The following SYNJ2 variants were observed in gnomAD, a reference collection of about 807,000 sequenced individuals.
SYNJ2 encodes synaptojanin 2.
Under a neutral mutation model 141.3 loss-of-function variants are expected in SYNJ2, and 116 were observed. That is an observed-to-expected ratio of 0.82 (90% CI 0.71 to 0.96). SYNJ2 has a LOEUF of 0.96. Ranked by LOEUF, SYNJ2 falls within the 40% of genes least tolerant of loss-of-function variation. The pLI, the probability that SYNJ2 is intolerant of heterozygous loss-of-function variation, is 0.00. For missense variants in SYNJ2, 1,873 were observed against 1,934.8 expected, an observed-to-expected ratio of 0.97 and a Z score of 0.60; for synonymous variants, 745 against 777.7, an observed-to-expected ratio of 0.96 and a Z score of 0.70.
chr6:158,090,551 T>TG (rs1450201604), intron 25 of SYNJ2, among the ~76,000 whole-genome samples: 14 of 148,478 alleles, frequency 9.4e-5, no homozygotes, highest in Admixed American at 3.4e-4. Flanking sequence ...TGTTTTTTTT[T>TG]TTTTTTTTTT....
Position 157,982,155 on chromosome 6 carries a change from G to C in SYNJ2, c.127+67G>C. On this transcript the variant is annotated intron_variant, in intron 1 of 26. Transcript: ENST00000355585. The surrounding 1 kb of genome is among the most constrained non-coding windows in gnomAD (Gnocchi z 4.0). ...GCCCGCATTCGCCCAGCCTCGGGAA[G>C]ACGGGTACCCCCCCTTCCCGAGGGG... is the stretch of plus-strand genomic sequence containing the variant. 1.6e-6 allele frequency: 2 copies of C among 1,269,762 alleles called. No individual in the cohort carries two copies. The highest frequency in any genetic ancestry group is 2.0e-6 in the Non-Finnish European group (2 of 1,007,124). 78.7% of individuals were successfully genotyped at this position (1,269,762 alleles called of 1,614,324 possible).
At chr6:158,066,020 CTTAAAG>C (rs1332542608) in intron 11 of SYNJ2, among the ~76,000 whole-genome samples, 2 of 152,182 alleles carry the variant, frequency 1.3e-5, no homozygotes, top group Non-Finnish European at 2.9e-5. Context: ...TGGTAAGACA[CTTAAAG>C]TTATAGTGTA....
rs74579819 is a variant in SYNJ2 at position 158,094,821 on chromosome 6, A to T, written c.3745-797A>T. On this transcript the variant is annotated intron_variant, in intron 26 of 26. Coordinates refer to ENST00000355585, the MANE Select transcript of SYNJ2 (RefSeq NM_003898.4). ...TTTGAACCAGAACCAAGGCAGTGTC[A>T]AGGTTTCCATTCTTTACCAATATTT... Among the ~76,000 whole-genome samples, 299 of 152,358 alleles carry T rather than the reference A, an allele frequency of 2.0e-3. 1 individual carries two copies. Among genetic ancestry groups the T allele is most frequent in the African/African-American group, 6.9e-3 (287 of 41,586 alleles).
intron 6 of SYNJ2, among the ~76,000 whole-genome samples, chr6:158,056,166 G>T (rs1174179804): frequency 6.6e-6 from 1 of 152,158 alleles, no homozygotes; most frequent in Non-Finnish European, 1.5e-5. Flanking sequence ...TTCGCTTCAG[G>T]AACCCTCCTA....
chr6:158,074,622 G>A lies in SYNJ2; in HGVS notation c.2176G>A (p.Asp726Asn), dbSNP rs200377876. 29 of 1,613,614 alleles carry A rather than the reference G, an allele frequency of 1.8e-5. No homozygotes were observed. The highest frequency in any genetic ancestry group is 5.0e-5 in the Admixed American group (3 of 59,958). ...FSHDYVFWCG[D>N]FNYRIDLTYE... ...TCATGATTATGTATTTTGGTGTGGC[G>A]ATTTCAACTACCGCATTGATCTTAC... The change falls in exon 16 of 27, where the codon GAT becomes AAT. Residue 726 changes from aspartate (D) to asparagine (N), a missense_variant. Coordinates refer to ENST00000355585, the MANE Select transcript of SYNJ2 (RefSeq NM_003898.4).
chr6:158,008,612 C>T (rs529756803), intron 1 of SYNJ2, among the ~76,000 whole-genome samples: 9 of 152,212 alleles, frequency 5.9e-5, no homozygotes, highest in East Asian at 1.9e-4. Context: ...TTGGTGGGTA[C>T]GTGGTAATGA....
At position 158,095,290 on chromosome 6, in the gene SYNJ2, G is replaced by A. The variant is rs150125941; in HGVS notation, c.3745-328G>A. ...CAACTTCAAAGAGTGTTTTCAGAGAGGTTTGCTTTCAATAAAGGAAGAGCA... is the reference window on the plus strand; with the variant it reads ...CAACTTCAAAGAGTGTTTTCAGAGAAGTTTGCTTTCAATAAAGGAAGAGCA... On this transcript the variant is annotated intron_variant, in intron 26 of 26. Coordinates refer to ENST00000355585, the MANE Select transcript of SYNJ2 (RefSeq NM_003898.4). 2.9e-3 allele frequency among the ~76,000 whole-genome samples: 439 copies of A among 152,256 alleles called. 3 individuals carry two copies. The highest frequency in any genetic ancestry group is 9.9e-3 in the African/African-American group (413 of 41,550).
intron 1 of SYNJ2, among the ~76,000 whole-genome samples, chr6:158,007,988 C>G (rs1375629148): frequency 1.3e-5 from 2 of 152,162 alleles, no homozygotes; most frequent in Non-Finnish European, 2.9e-5. Flanking sequence ...GATGGAGTCT[C>G]ACTGTGTTGC....
chr6:158,084,053 T>C lies in SYNJ2; in HGVS notation c.3087T>C (p.Pro1029=). The C allele has an allele frequency of 6.2e-7, 1 of 1,614,156 alleles. No homozygotes were observed. ...ACTTGGTGGATGAATTCAATCAGCC[T>C]GGAGTCTCGGACAGTGAACTCGGGG... ...EDYLVDEFNQ[P]GVSDSELGGD... Residue 1029 remains proline (P), a synonymous_variant, in exon 22 of 27, where the codon CCT becomes CCC. Coordinates refer to ENST00000355585, the MANE Select transcript of SYNJ2 (RefSeq NM_003898.4). This position sits in a 1 kb window ranked among gnomAD's most constrained non-coding sequence, Gnocchi z 5.0.
rs1783895476 is a variant in SYNJ2 at position 158,098,393 on chromosome 6, G to A, written c.*2029G>A. 1 of 152,194 alleles carries A rather than the reference G, an allele frequency of 6.6e-6. No individual in the cohort carries two copies. The highest frequency in any genetic ancestry group is 1.5e-5 in the Non-Finnish European group (1 of 68,030). 9.4% of individuals were successfully genotyped at this position (152,194 alleles called of 1,614,324 possible). On this transcript the variant is annotated 3_prime_UTR_variant, in exon 27 of 27. Transcript: ENST00000355585. ...CGTAAGTAAAAACACACAGAATTGT[G>A]TTGACTGGGGGAGGTGAATCACAAA...
intron 5 of SYNJ2, among the ~76,000 whole-genome samples, chr6:158,052,981 G>A (rs997882848): frequency 1.6e-4 from 24 of 152,200 alleles, no homozygotes; most frequent in African/African-American, 5.8e-4. Flanking sequence ...TTGTGGTCAT[G>A]TCTCTAGTCT....
chr6:158,053,834 ATCCATCCATCCTCACATTCACCTG>A (rs1404944110), intron 5 of SYNJ2, among the ~76,000 whole-genome samples: 1 of 145,556 alleles, frequency 6.9e-6, no homozygotes, highest in Admixed American at 6.9e-5. Context: ...TCACCCACCC[ATCCATCCATCCTCACATTCACCTG>A]TCCATCCATC....
chr6:158,082,796 C>T (rs1782782627), intron 20 of SYNJ2, among the ~76,000 whole-genome samples: 2 of 152,230 alleles, frequency 1.3e-5, no homozygotes, highest in South Asian at 4.1e-4. Context: ...TCTGTCTATG[C>T]TCGCACTGCC....
intron 1 of SYNJ2, among the ~76,000 whole-genome samples, chr6:158,000,238 T>C (rs1188353247): frequency 6.6e-6 from 1 of 152,008 alleles, no homozygotes; most frequent in Non-Finnish European, 1.5e-5. Flanking sequence ...AGCATGATGT[T>C]TTCTCCTAGA....
In SYNJ2 at chr6:158,096,163, T is replaced by G; in HGVS notation, c.4290T>G (p.Leu1430=). Residue 1430 remains leucine (L), a synonymous_variant, in exon 27 of 27, where the codon CTT becomes CTG. Coordinates refer to ENST00000355585, the MANE Select transcript of SYNJ2 (RefSeq NM_003898.4). Reference sequence around the variant, plus strand: ...CTAAACTGTTGAATAACACTTGGCTTTCTAAGAGCTCAGACCCTTTGGACT... The same window carrying G: ...CTAAACTGTTGAATAACACTTGGCTGTCTAAGAGCTCAGACCCTTTGGACT... ...HHPKLLNNTW[L]SKSSDPLDSG... is the part of the protein sequence containing the mutation. The G allele has an allele frequency of 6.2e-7, 1 of 1,614,224 alleles. No individual in the cohort carries two copies. Among genetic ancestry groups the G allele is most frequent in the Non-Finnish European group, 8.5e-7 (1 of 1,180,032 alleles).
At chr6:158,076,329 G>A (rs928241985) in intron 16 of SYNJ2, among the ~76,000 whole-genome samples, 5 of 152,174 alleles carry the variant, frequency 3.3e-5, no homozygotes, top group Admixed American at 2.6e-4. Flanking sequence ...CCCCTGACCC[G>A]TGCCTCGGAC....
At chr6:158,086,831 C>T (rs1783067457) in intron 22 of SYNJ2, 24 bp from the exon 23 acceptor site, 1 of 1,609,976 alleles carries the variant, frequency 6.2e-7, no homozygotes. Flanking sequence ...GACCATTGTA[C>T]TCATGCCCCG....
intron 4 of SYNJ2, among the ~76,000 whole-genome samples, chr6:158,039,364 G>A (rs1008444491): frequency 2.4e-4 from 36 of 152,254 alleles, no homozygotes; most frequent in African/African-American, 8.0e-4. Context: ...AGTGGAGCAA[G>A]GCTCAGCCTG....
At position 158,098,076 on chromosome 6, in the gene SYNJ2, G is replaced by T. The variant is rs561805496; in HGVS notation, c.*1712G>T. 4.5e-5 allele frequency: 5 copies of T among 110,296 alleles called. No individual in the cohort carries two copies. The East Asian group carries it at 1.4e-3, about 31-fold the overall frequency. The allele number at this position is 110,296 out of a possible 1,614,324, so 6.8% of individuals were successfully genotyped here. A position where few individuals can be genotyped will look rare whatever the true frequency, so the allele number is the denominator to read the frequency against. ...AAGCTGATTTGCCAAGATGCACATC[G>T]CTATTAACAGCCAGAGTCATAAATG... is the stretch of plus-strand genomic sequence containing the variant. On this transcript the variant is annotated 3_prime_UTR_variant, in exon 27 of 27. Transcript: ENST00000355585.
Sources: gnomAD v4.1 joint callset for allele counts (sites outside exome capture counted in the v4.1 genomes callset) on GRCh38, gnomAD v4.1.1 for gene constraint, Gnocchi (gnomAD v3.1) non-coding constraint, MANE v1.5 for transcripts, NCBI Gene and HGNC (gene_info 2026-07-23, HGNC 2026-07-21) for gene names.